Variants in CNTN6 observed in about 807,000 individuals in gnomAD.
The protein encoded by CNTN6 is contactin 6.
In CNTN6, 137 loss-of-function variants were observed where a neutral mutation model predicts 122.8. The ratio of observed to expected loss-of-function variants is 1.12; its 90% CI spans 0.97 to 1.29. The LOEUF is 1.29. Ranked by LOEUF, CNTN6 falls within the 50% of genes most tolerant of loss-of-function variation. The pLI is 0.00. For missense variants in CNTN6, 1,634 were observed against 1,223.4 expected (o/e 1.34, Z -5.01); for synonymous variants, 570 against 426.0 (o/e 1.34, Z -4.16).
intron 1 of CNTN6, among the ~76,000 whole-genome samples, chr3:1,094,483 G>A (rs1053183069): frequency 6.6e-6 from 1 of 151,992 alleles, no homozygotes; most frequent in East Asian, 1.9e-4. Flanking sequence ...TTTATATAAA[G>A]CTTTATGTGA....
Position 1,297,988 on chromosome 3 carries a change from G to C in CNTN6, c.758G>C (p.Gly253Ala). 8 of 1,573,168 alleles carry C rather than the reference G, an allele frequency of 5.1e-6. No homozygotes were observed. The highest frequency in any genetic ancestry group is 6.8e-6 in the Non-Finnish European group (8 of 1,169,652). Residue 253 changes from glycine to alanine, a missense_variant, in exon 7 of 23, where the codon GGA (glycine) becomes GCA (alanine). Transcript: ENST00000446702. Reference sequence around the variant, plus strand: ...GTAAAACTGGAATGTTTTGCCCTTGGAAAGTAAGGTTTTTGTTTTTGTTTT... The same window carrying C: ...GTAAAACTGGAATGTTTTGCCCTTGCAAAGTAAGGTTTTTGTTTTTGTTTT... ...SSVKLECFAL[G>A]NPVPDISWRR...
intron 4 of CNTN6, among the ~76,000 whole-genome samples, chr3:1,251,347 C>A (rs1341608604): frequency 6.6e-6 from 1 of 152,208 alleles, no homozygotes; most frequent in Non-Finnish European, 1.5e-5. Context: ...TCCAGCAATA[C>A]TTTGACTCTG....
At chr3:1,399,719 T>A (rs1695441008) in intron 20 of CNTN6, among the ~76,000 whole-genome samples, 2 of 152,090 alleles carry the variant, frequency 1.3e-5, no homozygotes, top group Admixed American at 6.6e-5. Context: ...TTAGCCACCT[T>A]ATTGTACAGT....
At position 1,326,705 on chromosome 3, in the gene CNTN6, A is replaced by G. The variant is rs574113911; in HGVS notation, c.1084-752A>G. On this transcript the variant is annotated intron_variant, in intron 9 of 22. Coordinates refer to ENST00000446702, the MANE Select transcript of CNTN6 (RefSeq NM_001289080.2). ...CACATGTAGGCATAGCCAGAGACAC[A>G]AAGAACATCTGTTGTTTGGAAGCTG... Among the ~76,000 whole-genome samples, 3 of 152,048 alleles carry G rather than the reference A, an allele frequency of 2.0e-5. No individual in the cohort carries two copies. The South Asian group carries it at 6.2e-4, about 31-fold the overall frequency.
intron 2 of CNTN6, among the ~76,000 whole-genome samples, chr3:1,205,140 G>C (rs1025223151): frequency 1.3e-5 from 2 of 152,080 alleles, no homozygotes; most frequent in Admixed American, 6.6e-5. Flanking sequence ...GATAGAGAAA[G>C]GTGTCCACAA....
At chr3:1,177,898 ATT>A (rs11303380) in intron 2 of CNTN6, among the ~76,000 whole-genome samples, 13,472 of 133,354 alleles carry the variant, frequency 0.1, 766 homozygotes, top group Middle Eastern at 0.15. Context: ...TGCCCTTTCC[ATT>A]TTTTTTTTTT....
At chr3:1,297,744 T>C (rs1346798379) in intron 6 of CNTN6, 145 bp from the exon 7 acceptor site, 6 of 606,116 alleles carry the variant, frequency 9.9e-6, no homozygotes, top group Non-Finnish European at 1.7e-5. Flanking sequence ...ACAGAAGCAT[T>C]TTAGAATCTA....
chr3:1,372,860 T>TA lies in CNTN6; in HGVS notation c.1693dup (p.Arg565LysfsTer31). The TA allele has an allele frequency of 6.2e-7, 1 of 1,605,066 alleles. No homozygotes were observed. Among genetic ancestry groups the TA allele is most frequent in the Non-Finnish European group, 8.5e-7 (1 of 1,174,432 alleles). ...CAGGAATCTGTTGGGGATTTGATGATAAGGAATATTCAGTTACATCATTCA... is the reference window on the plus strand; with the variant it reads ...CAGGAATCTGTTGGGGATTTGATGATAAAGGAATATTCAGTTACATCATTCA... On this transcript the variant is annotated frameshift_variant, in exon 14 of 23. Transcript: ENST00000446702. LOFTEE classifies it high-confidence loss of function.
intron 1 of CNTN6, among the ~76,000 whole-genome samples, chr3:1,141,625 G>T (rs1216624799): frequency 6.6e-6 from 1 of 152,086 alleles, no homozygotes; most frequent in Non-Finnish European, 1.5e-5. Context: ...GGTATAATTT[G>T]TAATTGACCT....
intron 4 of CNTN6, among the ~76,000 whole-genome samples, chr3:1,248,355 G>A (rs2094609943): frequency 6.6e-6 from 1 of 152,190 alleles, no homozygotes; most frequent in Non-Finnish European, 1.5e-5. Context: ...TCTCTGTGAT[G>A]TATGCTTTAG....
At chr3:1,292,275 A>G (rs769070130) in intron 5 of CNTN6, among the ~76,000 whole-genome samples, 30 of 152,180 alleles carry the variant, frequency 2.0e-4, no homozygotes, top group Non-Finnish European at 3.1e-4. Context: ...TCTTCAATGT[A>G]AACAGACAGC....
chr3:1,202,426 G>A (rs1247028729), intron 2 of CNTN6, among the ~76,000 whole-genome samples: 1 of 151,864 alleles, frequency 6.6e-6, no homozygotes, highest in Non-Finnish European at 1.5e-5. Context: ...TGTAGTCCCA[G>A]CTACTCGGGA....
intron 1 of CNTN6, among the ~76,000 whole-genome samples, chr3:1,098,124 T>A (rs1180785759): frequency 1.3e-5 from 2 of 151,610 alleles, no homozygotes; most frequent in South Asian, 4.2e-4. Flanking sequence ...TTGGGAGATA[T>A]ACCTAATGCT....
chr3:1,227,712 T>G, intron 3 of CNTN6, 106 bp from the exon 4 acceptor site: 2 of 1,193,570 alleles, frequency 1.7e-6, no homozygotes, highest in Non-Finnish European at 2.4e-6. Context: ...GTAATCATGT[T>G]TTTTGGTGTT....
At chr3:1,320,547 A>T (rs1315448252) in intron 7 of CNTN6, among the ~76,000 whole-genome samples, 1 of 151,734 alleles carries the variant, frequency 6.6e-6, no homozygotes, top group African/African-American at 2.4e-5. Flanking sequence ...CTCTTCTTCA[A>T]GGTTTACCAA....
At chr3:1,296,092 G>T (rs1428455456) in intron 6 of CNTN6, among the ~76,000 whole-genome samples, 1 of 152,102 alleles carries the variant, frequency 6.6e-6, no homozygotes, top group African/African-American at 2.4e-5. Context: ...ATGTTCCGGG[G>T]AGTTGGCGTG....
intron 11 of CNTN6, among the ~76,000 whole-genome samples, chr3:1,338,889 A>T (rs1703480993): frequency 6.6e-6 from 1 of 152,128 alleles, no homozygotes; most frequent in Non-Finnish European, 1.5e-5. Flanking sequence ...GATCTTTGTC[A>T]CACCCACACC....
At chr3:1,197,729 T>C (rs1472762775) in intron 2 of CNTN6, among the ~76,000 whole-genome samples, 1 of 152,158 alleles carries the variant, frequency 6.6e-6, no homozygotes, top group African/African-American at 2.4e-5. Context: ...CTGAACCTTC[T>C]TATCTGTTAA....
chr3:1,329,415 G>A (rs574621119), intron 10 of CNTN6, among the ~76,000 whole-genome samples: 1 of 151,666 alleles, frequency 6.6e-6, no homozygotes, highest in East Asian at 2.0e-4. Flanking sequence ...AAGTGACTTT[G>A]TCTAACTTGC....
Sources: allele counts gnomAD v4.1 joint callset (sites outside exome capture counted in the v4.1 genomes callset), GRCh38; gene constraint gnomAD v4.1.1; transcripts MANE v1.5; gene names NCBI Gene and HGNC (gene_info 2026-07-23, HGNC 2026-07-21).